FRMPD1: variants seen among roughly 807,000 people sequenced by gnomAD.
The protein encoded by FRMPD1 is FERM and PDZ domain-containing protein 1.
Under a neutral mutation model 117.8 loss-of-function variants are expected in FRMPD1, and 76 were observed. The ratio of observed to expected loss-of-function variants is 0.65; its 90% CI spans 0.54 to 0.78. FRMPD1 has a LOEUF of 0.78. FRMPD1 is among the 30% of genes least tolerant of loss of function. The probability of loss-of-function intolerance (pLI) is 0.00; values close to 1 mark genes in which losing one functional copy is unlikely to be tolerated. For synonymous variants in FRMPD1, 783 were observed against 770.4 expected, an observed-to-expected ratio of 1.02 and a Z score of -0.27; for missense variants, 1,786 against 1,964.5, an observed-to-expected ratio of 0.91 and a Z score of 1.72.
chr9:37,617,964 T>C, the FRMPD1 span, among the ~76,000 whole-genome samples: 1 of 152,172 alleles, frequency 6.6e-6, no homozygotes, highest in East Asian at 1.9e-4. Flanking sequence ...TCCTGAGTCT[T>C]CTCAGCTAGT....
intron 1 of FRMPD1, among the ~76,000 whole-genome samples, chr9:37,683,045 C>G (rs752598395): frequency 6.6e-6 from 1 of 152,170 alleles, no homozygotes; most frequent in African/African-American, 2.4e-5. Context: ...TCCCATTTCC[C>G]TCCCCCACTG....
chr9:37,671,403 C>T (rs7036746), intron 1 of FRMPD1, among the ~76,000 whole-genome samples: 24,053 of 151,958 alleles, frequency 0.16, 2,659 homozygotes, highest in East Asian at 0.47. Flanking sequence ...GTAGGGCTCT[C>T]TTTATAGGGC....
chr9:37,707,487 TA>T lies in FRMPD1; in HGVS notation c.176del (p.Lys59ArgfsTer2), dbSNP rs765683914. Reference protein sequence around the residue: ...TQTLIPVRHTVKIDKDTLLQD... With the variant: ...TQTLIPVRHTXKIDKDTLLQD... ...ACCCTCATCCCTGTGCGACACACAG[TA>T]AAGATAGACAAAGACACCCTCCTCC... On this transcript the variant is annotated frameshift_variant, in exon 3 of 16. Transcript: ENST00000377765. LOFTEE classifies it high-confidence loss of function. 2.5e-6 allele frequency: 4 copies of T among 1,613,888 alleles called. No homozygotes were observed. In the Admixed American group the frequency reaches 5.0e-5, roughly 20 times the overall value.
chr9:37,618,808 G>T, the FRMPD1 span, among the ~76,000 whole-genome samples: 5 of 152,092 alleles, frequency 3.3e-5, no homozygotes, highest in Non-Finnish European at 7.3e-5. Flanking sequence ...GAGAAATCTT[G>T]CTCACCTTTC....
At chr9:37,688,493 T>C (rs1822024277) in intron 1 of FRMPD1, among the ~76,000 whole-genome samples, 1 of 152,014 alleles carries the variant, frequency 6.6e-6, no homozygotes. Context: ...ACAATATACA[T>C]CCAAATTCTT....
intron 1 of FRMPD1, among the ~76,000 whole-genome samples, chr9:37,681,943 A>T (rs1180372098): frequency 7.9e-5 from 12 of 152,196 alleles, no homozygotes; most frequent in Non-Finnish European, 1.8e-4. Flanking sequence ...GAAGAGCAAG[A>T]CTACACAGCA....
rs757376215 is a variant in FRMPD1 at position 37,740,405 on chromosome 9, C to T, written c.1877C>T (p.Thr626Ile). The T allele has an allele frequency of 7.4e-6, 12 of 1,613,940 alleles. No individual in the cohort carries two copies. The Admixed American group carries it at 1.5e-4, about 20-fold the overall frequency. Residue 626 changes from threonine (T) to isoleucine (I), a missense_variant, in exon 15 of 16, where the codon ACC becomes ATC. Coordinates refer to ENST00000377765, the MANE Select transcript of FRMPD1 (RefSeq NM_014907.3). This position sits in a 1 kb window ranked among gnomAD's most constrained non-coding sequence, Gnocchi z 4.2. ...DLDTCSSSRS[T>I]FFHFGSPGLA... ...GACACCTGCTCCTCCAGCAGGTCCA[C>T]CTTCTTCCACTTTGGCTCGCCAGGC...
At chr9:37,714,500 C>T (rs1403252998) in intron 5 of FRMPD1, among the ~76,000 whole-genome samples, 1 of 152,222 alleles carries the variant, frequency 6.6e-6, no homozygotes, top group Non-Finnish European at 1.5e-5. Flanking sequence ...AGTCTGTGGC[C>T]ACCAGTGCCT....
At chr9:37,690,424 C>T (rs560542293) in intron 1 of FRMPD1, among the ~76,000 whole-genome samples, 1 of 152,012 alleles carries the variant, frequency 6.6e-6, no homozygotes, top group African/African-American at 2.4e-5. Flanking sequence ...TCTACATTGT[C>T]TCTGTTTCTT....
rs1208059296 is a variant in FRMPD1 at position 37,651,056 on chromosome 9, G to T, written c.-43G>T. ...CGCCCTTCTCCGAGAGCGTCAGCCC[G>T]CTAGGTCCTTGTCCGCGCGGGCGGC... On this transcript the variant is annotated 5_prime_UTR_variant, in exon 1 of 16. Transcript: ENST00000377765. The T allele has an allele frequency of 6.6e-6, 1 of 152,298 alleles. No homozygotes were observed. The highest frequency in any genetic ancestry group is 1.9e-4 in the East Asian group (1 of 5,168). The allele number at this position is 152,298 out of a possible 1,614,324, so 9.4% of individuals were successfully genotyped here. A position where few individuals can be genotyped will look rare whatever the true frequency, so the allele number is the denominator to read the frequency against.
the FRMPD1 span, among the ~76,000 whole-genome samples, chr9:37,614,501 A>C: frequency 6.6e-6 from 1 of 152,230 alleles, no homozygotes; most frequent in East Asian, 1.9e-4. Flanking sequence ...GTGGACAATG[A>C]AATTGACTGA....
chr9:37,704,473 GACCGC>G (rs1588942922), intron 2 of FRMPD1, among the ~76,000 whole-genome samples: 2 of 152,006 alleles, frequency 1.3e-5, no homozygotes, highest in East Asian at 3.9e-4. Context: ...ATTTCATTTG[GACCGC>G]ACTGCTCTAG....
chr9:37,649,579 A>G (rs563687604), upstream of FRMPD1, among the ~76,000 whole-genome samples: 109 of 152,340 alleles, frequency 7.2e-4, no homozygotes, highest in Non-Finnish European at 1.4e-3. Flanking sequence ...TTGGAAATGA[A>G]GGTCACAAAG....
At chr9:37,742,701 C>T (rs1256877723) in intron 15 of FRMPD1, among the ~76,000 whole-genome samples, 1 of 152,226 alleles carries the variant, frequency 6.6e-6, no homozygotes, top group Admixed American at 6.5e-5. Flanking sequence ...GAGTTTGAGA[C>T]TAGCCTGGCC....
the FRMPD1 span, among the ~76,000 whole-genome samples, chr9:37,609,990 C>T: frequency 2.0e-5 from 3 of 152,210 alleles, no homozygotes; most frequent in Non-Finnish European, 4.4e-5. Flanking sequence ...GAAAGCCCTG[C>T]CCTGAAGCCC....
chr9:37,690,210 TC>T, intron 1 of FRMPD1, among the ~76,000 whole-genome samples: 1 of 152,202 alleles, frequency 6.6e-6, no homozygotes, highest in South Asian at 2.1e-4. Context: ...TGGTTACTCT[TC>T]CTACAGTCTT....
At chr9:37,726,336 G>A (rs752937831) in intron 7 of FRMPD1, among the ~76,000 whole-genome samples, 1 of 152,166 alleles carries the variant, frequency 6.6e-6, no homozygotes, top group Non-Finnish European at 1.5e-5. Context: ...TATGTCATTT[G>A]ACCCAGTAAA....
rs529618122 is a variant in FRMPD1 at position 37,724,658 on chromosome 9, C to T, written c.612+338C>T. ...TTTGTCTGTGACTCTACCTGCTACGCCAAACACTACGAAAACCCAGGTGAG... is the reference window on the plus strand; with the variant it reads ...TTTGTCTGTGACTCTACCTGCTACGTCAAACACTACGAAAACCCAGGTGAG... On this transcript the variant is annotated intron_variant, in intron 7 of 15. Transcript: ENST00000377765. Among the ~76,000 whole-genome samples the T allele has an allele frequency of 2.6e-5, 4 of 152,310 alleles. No homozygotes were observed. The South Asian group carries it at 8.3e-4, about 32-fold the overall frequency.
chr9:37,682,548 C>T (rs1463373146), intron 1 of FRMPD1, among the ~76,000 whole-genome samples: 1 of 152,204 alleles, frequency 6.6e-6, no homozygotes, highest in Admixed American at 6.5e-5. Flanking sequence ...TAATTAAAGG[C>T]AAAGCCAGGA....
Sources: allele counts gnomAD v4.1 joint callset (sites outside exome capture counted in the v4.1 genomes callset), GRCh38; gene constraint gnomAD v4.1.1; non-coding constraint Gnocchi (gnomAD v3.1); transcripts MANE v1.5; gene names NCBI Gene and HGNC (gene_info 2026-07-23, HGNC 2026-07-21).